Variants in TNR observed in about 807,000 individuals in gnomAD.
The protein encoded by TNR is tenascin-R.
A neutral mutation model predicts 150.4 loss-of-function variants in TNR; 45 were observed. The ratio of observed to expected loss-of-function variants is 0.30; its 90% CI spans 0.24 to 0.38. The LOEUF is 0.38. Ranked by LOEUF, TNR falls within the 10% of genes least tolerant of loss-of-function variation. The probability of loss-of-function intolerance (pLI) is 1.00; values close to 1 mark genes in which losing one functional copy is unlikely to be tolerated. For missense variants in TNR, 1,544 were observed against 1,759.1 expected (o/e 0.88, Z 2.19); for synonymous variants, 687 against 678.4 (o/e 1.01, Z -0.20).
intron 1 of TNR, among the ~76,000 whole-genome samples, chr1:175,730,879 G>T (rs938929047): frequency 3.3e-5 from 5 of 152,172 alleles, no homozygotes; most frequent in Admixed American, 1.3e-4. Flanking sequence ...GTCTTCTGTG[G>T]TTAGTGGAGG....
At chr1:175,455,178 C>T (rs531895176) in intron 2 of TNR, among the ~76,000 whole-genome samples, 2 of 152,322 alleles carry the variant, frequency 1.3e-5, no homozygotes, top group East Asian at 3.9e-4. Context: ...TCCTCCGGTC[C>T]CCAAGAGCCC....
intron 1 of TNR, among the ~76,000 whole-genome samples, chr1:175,697,857 C>A (rs1455326604): frequency 6.6e-6 from 1 of 152,166 alleles, no homozygotes; most frequent in Non-Finnish European, 1.5e-5. Flanking sequence ...AAGCAGGCCA[C>A]TCCCATCCTC....
At chr1:175,654,833 C>G (rs779415120) in intron 1 of TNR, among the ~76,000 whole-genome samples, 43 of 151,586 alleles carry the variant, frequency 2.8e-4, no homozygotes, top group Non-Finnish European at 5.3e-4. Flanking sequence ...ATTCTCCCGC[C>G]TCAGCCTCCC....
intron 13 of TNR, 25 bp from the exon 14 acceptor site, chr1:175,362,834 T>C (rs1651665678): frequency 6.2e-6 from 10 of 1,613,102 alleles, no homozygotes; most frequent in South Asian, 1.1e-5. Flanking sequence ...AATCTACAGT[T>C]AAAATTCAGC....
intron 2 of TNR, among the ~76,000 whole-genome samples, chr1:175,428,086 T>G (rs966657727): frequency 6.6e-6 from 1 of 152,230 alleles, no homozygotes; most frequent in Non-Finnish European, 1.5e-5. Context: ...GACATTCTAC[T>G]TCTTTAAGTA....
intron 1 of TNR, among the ~76,000 whole-genome samples, chr1:175,738,181 T>C (rs1667828105): frequency 6.6e-6 from 1 of 152,150 alleles, no homozygotes. Context: ...GGGAGTGTCA[T>C]GACAAGAAAG....
At chr1:175,411,760 T>C (rs1654227039) in intron 2 of TNR, among the ~76,000 whole-genome samples, 1 of 152,038 alleles carries the variant, frequency 6.6e-6, no homozygotes, top group African/African-American at 2.4e-5. Flanking sequence ...TCATTACTTA[T>C]ATCTGCAATG....
chr1:175,697,051 A>T (rs1000471413), intron 1 of TNR, among the ~76,000 whole-genome samples: 4 of 152,072 alleles, frequency 2.6e-5, no homozygotes, highest in African/African-American at 9.7e-5. Flanking sequence ...AAAGAAAAAA[A>T]AAAACCAGAA....
chr1:175,450,289 T>C (rs1457072809), intron 2 of TNR, among the ~76,000 whole-genome samples: 1 of 152,176 alleles, frequency 6.6e-6, no homozygotes, highest in Non-Finnish European at 1.5e-5. Flanking sequence ...ACAGTCACTC[T>C]CTCTGTTCCT....
chr1:175,457,252 A>G (rs1041111776), intron 2 of TNR, among the ~76,000 whole-genome samples: 1 of 152,216 alleles, frequency 6.6e-6, no homozygotes, highest in African/African-American at 2.4e-5. Flanking sequence ...GGTTAGGGAG[A>G]CTTGAACCAT....
At chr1:175,533,818 A>G (rs528173400) in intron 1 of TNR, among the ~76,000 whole-genome samples, 13 of 152,282 alleles carry the variant, frequency 8.5e-5, no homozygotes, top group African/African-American at 2.9e-4. Context: ...GGTGCCTTGC[A>G]TGCAGGAGCT....
chr1:175,496,830 T>C (rs1459450779), intron 2 of TNR, among the ~76,000 whole-genome samples: 3 of 152,230 alleles, frequency 2.0e-5, no homozygotes, highest in Non-Finnish European at 2.9e-5. Flanking sequence ...TTTACAAACA[T>C]GAACACTTTT....
intron 1 of TNR, among the ~76,000 whole-genome samples, chr1:175,562,054 G>A (rs910747342): frequency 7.2e-5 from 11 of 152,026 alleles, no homozygotes; most frequent in Non-Finnish European, 2.9e-5. Flanking sequence ...AGGATAAGAG[G>A]GCTAATGACT....
intron 1 of TNR, among the ~76,000 whole-genome samples, chr1:175,700,708 G>C (rs562292940): frequency 1.3e-5 from 2 of 152,164 alleles, no homozygotes; most frequent in Admixed American, 6.5e-5. Context: ...AGGTGACCAC[G>C]GAGGTAGAAT....
chr1:175,394,289 C>T (rs1325926070), intron 5 of TNR, among the ~76,000 whole-genome samples: 1 of 152,114 alleles, frequency 6.6e-6, no homozygotes, highest in East Asian at 1.9e-4. Flanking sequence ...TTACAGGACT[C>T]CCGGGAGGTA....
chr1:175,498,561 A>G (rs1467960846), intron 2 of TNR, among the ~76,000 whole-genome samples: 1 of 152,224 alleles, frequency 6.6e-6, no homozygotes, highest in Non-Finnish European at 1.5e-5. Flanking sequence ...TTGTTCCCAC[A>G]GCTCTTGTTA....
chr1:175,652,862 G>A (rs1173677130), intron 1 of TNR, among the ~76,000 whole-genome samples: 1 of 152,180 alleles, frequency 6.6e-6, no homozygotes, highest in Non-Finnish European at 1.5e-5. Context: ...CAATAGAAAA[G>A]TGAGAAAAAG....
chr1:175,591,490 C>A (rs1327179983), intron 1 of TNR, among the ~76,000 whole-genome samples: 1 of 152,200 alleles, frequency 6.6e-6, no homozygotes, highest in African/African-American at 2.4e-5. Context: ...CTCTCCCCAA[C>A]CACTGCCGGG....
chr1:175,477,612 A>G (rs963966230), intron 2 of TNR, among the ~76,000 whole-genome samples: 3 of 149,268 alleles, frequency 2.0e-5, no homozygotes, highest in Admixed American at 6.6e-5. Context: ...CACAATAGAA[A>G]TCATACAAAT....
Sources: allele counts gnomAD v4.1 joint callset (sites outside exome capture counted in the v4.1 genomes callset), GRCh38; gene constraint gnomAD v4.1.1; transcripts MANE v1.5; gene names NCBI Gene and HGNC (gene_info 2026-07-23, HGNC 2026-07-21).